The following DDR2 variants were observed in gnomAD, a reference collection of about 807,000 sequenced individuals.
DDR2 encodes the protein discoidin domain-containing receptor 2.
Under a neutral mutation model 94.9 loss-of-function variants are expected in DDR2, and 27 were observed. The ratio of observed to expected loss-of-function variants is 0.28; its 90% confidence interval spans 0.21 to 0.39. The LOEUF (loss-of-function observed/expected upper bound fraction) is 0.39. Ranked by LOEUF, DDR2 falls within the 10% of genes least tolerant of loss-of-function variation. DDR2 has a pLI of 1.00. For missense variants in DDR2, 783 were observed against 1,076.0 expected, an observed-to-expected ratio of 0.73 and a Z score of 3.81; for synonymous variants, 382 against 377.2, an observed-to-expected ratio of 1.01 and a Z score of -0.15.
intron 2 of DDR2, among the ~76,000 whole-genome samples, chr1:162,716,082 A>C (rs1433471391): frequency 1.3e-5 from 2 of 151,638 alleles, no homozygotes; most frequent in Non-Finnish European, 1.5e-5. Flanking sequence ...TAATGATTAA[A>C]TGGATAATTT....
intron 2 of DDR2, among the ~76,000 whole-genome samples, chr1:162,716,806 A>T (rs1661187658): frequency 6.6e-6 from 1 of 151,546 alleles, no homozygotes; most frequent in African/African-American, 2.4e-5. Context: ...CTCCTTACTC[A>T]TGTCATCCTC....
At chr1:162,770,738 A>C (rs1377504428) in intron 12 of DDR2, 3 of 648,102 alleles carry the variant, frequency 4.6e-6, no homozygotes, top group Non-Finnish European at 8.6e-6. Flanking sequence ...CACATACCAG[A>C]AAAGAAAGAA....
chr1:162,656,246 G>A (rs576947767), intron 2 of DDR2, among the ~76,000 whole-genome samples: 6 of 152,302 alleles, frequency 3.9e-5, no homozygotes, highest in South Asian at 2.1e-4. Flanking sequence ...GATGCTCAGC[G>A]AGAGCCCTCA....
At chr1:162,658,567 G>A (rs1177248247) in intron 2 of DDR2, among the ~76,000 whole-genome samples, 1 of 150,890 alleles carries the variant, frequency 6.6e-6, no homozygotes, top group Non-Finnish European at 1.5e-5. Context: ...AATGGCTCAC[G>A]TCTGTAGTCC....
chr1:162,763,025 T>A (rs1000992798), intron 9 of DDR2, among the ~76,000 whole-genome samples: 1 of 151,682 alleles, frequency 6.6e-6, no homozygotes, highest in Non-Finnish European at 1.5e-5. Flanking sequence ...TTAGTAGAGA[T>A]AGGGTTTCGC....
At chr1:162,774,086 T>C (rs1647387158) in intron 14 of DDR2, among the ~76,000 whole-genome samples, 2 of 151,942 alleles carry the variant, frequency 1.3e-5, no homozygotes, top group Admixed American at 1.3e-4. Context: ...AATGAGAAGC[T>C]ACCTCTATTT....
intron 2 of DDR2, among the ~76,000 whole-genome samples, chr1:162,657,595 G>A (rs1399546827): frequency 6.6e-6 from 1 of 152,160 alleles, no homozygotes; most frequent in Non-Finnish European, 1.5e-5. Flanking sequence ...TTGAACTCCT[G>A]AATTCTGTTC....
chr1:162,637,447 A>G (rs1356242670), intron 1 of DDR2, among the ~76,000 whole-genome samples: 3 of 152,146 alleles, frequency 2.0e-5, no homozygotes, highest in Non-Finnish European at 2.9e-5. Flanking sequence ...AACTGAGAAC[A>G]AAATGCAGAG....
At chr1:162,752,390 C>T (rs575537985) in intron 3 of DDR2, among the ~76,000 whole-genome samples, 1 of 152,328 alleles carries the variant, frequency 6.6e-6, no homozygotes, top group African/African-American at 2.4e-5. Context: ...TAGGGGTCAA[C>T]TTTTTTGTTT....
intron 2 of DDR2, among the ~76,000 whole-genome samples, chr1:162,699,993 C>G (rs1367295363): frequency 6.6e-6 from 1 of 152,174 alleles, no homozygotes; most frequent in Non-Finnish European, 1.5e-5. Flanking sequence ...CATGCATGCC[C>G]TAACTATAAT....
At chr1:162,706,295 A>G (rs1489182943) in intron 2 of DDR2, among the ~76,000 whole-genome samples, 1 of 152,210 alleles carries the variant, frequency 6.6e-6, no homozygotes, top group Non-Finnish European at 1.5e-5. Flanking sequence ...TGTAAGGAAG[A>G]CCATGACAAG....
At chr1:162,763,945 A>G (rs559438580) in intron 9 of DDR2, among the ~76,000 whole-genome samples, 2 of 152,346 alleles carry the variant, frequency 1.3e-5, no homozygotes, top group South Asian at 2.1e-4. Flanking sequence ...AGCAATACCA[A>G]TATTATTACT....
In DDR2 at chr1:162,784,059, A is replaced by G. The variant is rs1175160181; in HGVS notation, c.*3813A>G. 1 of 152,216 alleles carries G rather than the reference A, an allele frequency of 6.6e-6. No homozygotes were observed. Among genetic ancestry groups the G allele is most frequent in the South Asian group, 2.1e-4 (1 of 4,838 alleles). 9.4% of individuals were successfully genotyped at this position (152,216 alleles called of 1,614,324 possible). A position where few individuals can be genotyped will look rare whatever the true frequency, so the allele number is the denominator to read the frequency against. On this transcript the variant is annotated 3_prime_UTR_variant, in exon 18 of 18. Coordinates refer to ENST00000367921, the MANE Select transcript of DDR2 (RefSeq NM_006182.4). ...ACAGGCAAACATCAAAACAATACGC[A>G]TAAGTTAGACAAGATTAAATCTTGT...
At chr1:162,684,871 CTTAGCACCA>C (rs1199348476) in intron 2 of DDR2, among the ~76,000 whole-genome samples, 102 of 150,124 alleles carry the variant, frequency 6.8e-4, no homozygotes, top group African/African-American at 2.3e-3. Context: ...GAATAGCACC[CTTAGCACCA>C]TTGCTACCTT....
At chr1:162,672,658 A>G (rs1298101584) in intron 2 of DDR2, among the ~76,000 whole-genome samples, 1 of 152,196 alleles carries the variant, frequency 6.6e-6, no homozygotes, top group Non-Finnish European at 1.5e-5. Flanking sequence ...GTGCCTCTAA[A>G]TAAGTAGTAC....
chr1:162,732,162 T>C (rs564097794), intron 3 of DDR2, among the ~76,000 whole-genome samples: 21 of 152,188 alleles, frequency 1.4e-4, no homozygotes, highest in Non-Finnish European at 2.4e-4. Context: ...AAAGGTCTAT[T>C]CCTAAGGGGA....
Position 162,680,509 on chromosome 1 carries a change from C to T in DDR2, c.-28+25135C>T, listed in dbSNP as rs143372254. ...TTGGTCTATATGTCTGTTTCTGTAT[C>T]AGCACCATGCTGTTTTGGTTACTAC... On this transcript the variant is annotated intron_variant, in intron 2 of 17. Coordinates refer to ENST00000367921, the MANE Select transcript of DDR2 (RefSeq NM_006182.4). Among the ~76,000 whole-genome samples the T allele has an allele frequency of 1.8e-4, 27 of 152,302 alleles. No homozygotes were observed. In the East Asian group the frequency reaches 4.1e-3, roughly 23 times the overall value.
intron 3 of DDR2, among the ~76,000 whole-genome samples, chr1:162,733,052 T>C (rs546613264): frequency 3.3e-5 from 5 of 152,298 alleles, no homozygotes; most frequent in African/African-American, 1.2e-4. Context: ...GGGAGATTGG[T>C]GGGTAGCGGA....
rs559813541 is a variant in DDR2 at position 162,663,151 on chromosome 1, G to A, written c.-28+7777G>A. On this transcript the variant is annotated intron_variant, in intron 2 of 17. Coordinates refer to ENST00000367921, the MANE Select transcript of DDR2 (RefSeq NM_006182.4). ...CCAAATCTCCCAGTATCCCTGGCCT[G>A]TATGTATCTTTTCTTGAGAACCTGA... Among the ~76,000 whole-genome samples the A allele has an allele frequency of 2.6e-5, 4 of 152,298 alleles. No individual in the cohort carries two copies. The East Asian group carries it at 7.7e-4, about 29-fold the overall frequency.
Sources: allele counts gnomAD v4.1 joint callset (sites outside exome capture counted in the v4.1 genomes callset), GRCh38; gene constraint gnomAD v4.1.1; transcripts MANE v1.5; gene names NCBI Gene and HGNC (gene_info 2026-07-23, HGNC 2026-07-21).